The following SETX variants were observed in gnomAD, a reference collection of about 807,000 sequenced individuals.
The protein encoded by SETX is helicase senataxin.
In SETX, 90 loss-of-function variants were observed where a neutral mutation model predicts 227.2. That is an observed-to-expected ratio of 0.40 (90% confidence interval 0.33 to 0.47). The LOEUF (loss-of-function observed/expected upper bound fraction) is 0.47, where lower values mean the gene tolerates loss of function less well. Among genes scored for constraint, SETX ranks in the 20% least tolerant of loss-of-function variants. The pLI, the probability that SETX is intolerant of heterozygous loss-of-function variation, is 0.91. For missense variants in SETX, 3,052 were observed against 3,181.5 expected, an observed-to-expected ratio of 0.96 and a Z score of 0.98; for synonymous variants, 1,210 against 1,113.2, an observed-to-expected ratio of 1.09 and a Z score of -1.73.
intron 18 of SETX, among the ~76,000 whole-genome samples, chr9:132,285,021 G>T (rs1268462219): frequency 1.3e-5 from 2 of 152,122 alleles, no homozygotes; most frequent in Non-Finnish European, 2.9e-5. Context: ...TGGGATTACA[G>T]GTGCCCACCA....
At chr9:132,271,188 G>C (rs6597568) in intron 24 of SETX, among the ~76,000 whole-genome samples, 1 of 152,154 alleles carries the variant, frequency 6.6e-6, no homozygotes, top group African/African-American at 2.4e-5. Context: ...GGAGTAATAT[G>C]CCTCTGCAAA....
At chr9:132,265,354 TA>T (rs1227918126) in intron 25 of SETX, among the ~76,000 whole-genome samples, 4 of 150,980 alleles carry the variant, frequency 2.6e-5, no homozygotes, top group African/African-American at 9.8e-5. Flanking sequence ...ACCTCCCGAG[TA>T]GCTGGGACTA....
In SETX at chr9:132,262,906, C is replaced by T. The variant is rs1448840167; in HGVS notation, c.*1333G>A. The T allele has an allele frequency of 1.3e-5, 2 of 152,124 alleles. No homozygotes were observed. The highest frequency in any genetic ancestry group is 2.9e-5 in the Non-Finnish European group (2 of 68,024). The allele number at this position is 152,124 out of a possible 1,614,324, so 9.4% of individuals were successfully genotyped here. ...CTAGTTTTTACAACTGTCAACTGTA[C>T]ATTCTCATGTTTAGGATACTCCAGT... On this transcript the variant is annotated 3_prime_UTR_variant, in exon 26 of 26. Transcript: ENST00000224140.
At position 132,334,664 on chromosome 9, in the gene SETX, T is replaced by C; in HGVS notation, c.782A>G (p.Asp261Gly). The change falls in exon 7 of 26, where the codon GAC becomes GGC. Residue 261 changes from aspartate (D) to glycine (G), a missense_variant. Physicochemically the swap from Asp to Gly is moderately conservative, Grantham distance 94 (BLOSUM62 -1). This residue lies in a region of SETX where 239 missense variants were observed against 240.8 expected (regional missense o/e 0.99). Transcript: ENST00000224140. ...CGATTGCATAAAATCATTTTGTTTG[T>C]CTGAGCCCAACAACAGGGAATCCAT... The part of the protein sequence containing the change: ...QAMDSLLLGS[D>G]KQNDFMQSIL... 2 of 1,614,020 alleles carry C rather than the reference T, an allele frequency of 1.2e-6. No individual in the cohort carries two copies. Among genetic ancestry groups the C allele is most frequent in the Non-Finnish European group, 1.7e-6 (2 of 1,179,894 alleles).
chr9:132,281,986 C>A (rs563818752), intron 19 of SETX, among the ~76,000 whole-genome samples: 3 of 144,638 alleles, frequency 2.1e-5, no homozygotes, highest in African/African-American at 5.2e-5. Flanking sequence ...CACATCACTG[C>A]ACTCCGGTCT....
chr9:132,311,686 G>A (rs960518969), intron 11 of SETX, 71 bp downstream of exon 11: 7 of 1,110,266 alleles, frequency 6.3e-6, no homozygotes, highest in Non-Finnish European at 9.4e-6. Context: ...TTCAAATAAT[G>A]CTATCTCCTC....
chr9:132,348,084 C>T (rs1364397792), intron 3 of SETX, among the ~76,000 whole-genome samples: 1 of 150,226 alleles, frequency 6.7e-6, no homozygotes, highest in African/African-American at 2.4e-5. Context: ...CCTGGCCAGG[C>T]GCAGTGGCTC....
intron 10 of SETX, among the ~76,000 whole-genome samples, chr9:132,325,131 C>T (rs547997135): frequency 2.7e-4 from 41 of 151,864 alleles, no homozygotes; most frequent in African/African-American, 8.7e-4. Flanking sequence ...CCAAGGCGGG[C>T]AGATCACAAG....
intron 19 of SETX, among the ~76,000 whole-genome samples, chr9:132,282,299 ATTTTT>A (rs148335455): frequency 7.2e-6 from 1 of 139,580 alleles, no homozygotes; most frequent in Non-Finnish European, 1.6e-5. Context: ...TTTTTAACTT[ATTTTT>A]TTTTTTTTTG....
intron 10 of SETX, among the ~76,000 whole-genome samples, chr9:132,319,846 G>A (rs1471659210): frequency 1.3e-5 from 2 of 152,180 alleles, no homozygotes; most frequent in Admixed American, 1.3e-4. Flanking sequence ...ATCCAAGTTA[G>A]TGCCTAATGG....
intron 4 of SETX, among the ~76,000 whole-genome samples, chr9:132,344,220 T>C (rs1282693141): frequency 1.3e-5 from 2 of 152,182 alleles, no homozygotes; most frequent in African/African-American, 4.8e-5. Flanking sequence ...AAGATGGTTT[T>C]TGGGTTTTTT....
rs748090865 is a variant in SETX at position 132,264,485 on chromosome 9, A to T, written c.7788T>A (p.Ala2596=). 6.2e-7 allele frequency: 1 copy of T among 1,611,446 alleles called. No homozygotes were observed. Among genetic ancestry groups the T allele is most frequent in the South Asian group, 1.1e-5 (1 of 91,026 alleles). Residue 2596 remains alanine (A), a synonymous_variant, in exon 26 of 26, where the codon GCT becomes GCA. Transcript: ENST00000224140. ...HIQQPAAVVA[A]LSSHKPPVRG... is the part of the protein sequence containing the mutation. ...GCACGGGAGGTTTGTGGCTGCTCAGAGCAGCCACTACAGCAGCGGGCTGCT... is the reference window on the plus strand; with the variant it reads ...GCACGGGAGGTTTGTGGCTGCTCAGTGCAGCCACTACAGCAGCGGGCTGCT...
intron 10 of SETX, among the ~76,000 whole-genome samples, chr9:132,325,826 G>A (rs772149078): frequency 1.5e-4 from 22 of 151,568 alleles, no homozygotes; most frequent in Non-Finnish European, 2.1e-4. Flanking sequence ...CAGCTACTTG[G>A]GAGGCTGAGG....
Position 132,264,558 on chromosome 9 carries a change from G to T in SETX, c.7715C>A (p.Thr2572Lys), listed in dbSNP as rs773364996. 6.2e-7 allele frequency: 1 copy of T among 1,614,112 alleles called. No individual in the cohort carries two copies. Among genetic ancestry groups the T allele is most frequent in the East Asian group, 2.2e-5 (1 of 44,880 alleles). ...AACGACAGGGAAGCCCGGCTCGCCC[G>T]TAGGAGGTGTTGCTCCAGGATGCTG... Reference protein sequence around the residue: ...SPQHPGATPPTGEPGFPVVHQ... With the variant: ...SPQHPGATPPKGEPGFPVVHQ... The change falls in exon 26 of 26, where the codon ACG becomes AAG. Residue 2572 changes from threonine to lysine, a missense_variant. Transcript: ENST00000224140.
At chr9:132,350,802 A>G (rs1434680709) in intron 2 of SETX, among the ~76,000 whole-genome samples, 1 of 152,264 alleles carries the variant, frequency 6.6e-6, no homozygotes, top group Non-Finnish European at 1.5e-5. Context: ...AACAAAATCA[A>G]AACTTCTTTA....
intron 10 of SETX, among the ~76,000 whole-genome samples, chr9:132,324,828 T>C (rs1233389402): frequency 1.3e-5 from 2 of 152,166 alleles, no homozygotes; most frequent in African/African-American, 4.8e-5. Flanking sequence ...GAAAGTTTCT[T>C]TTGAGGATTA....
At chr9:132,278,387 C>A in intron 20 of SETX, 130 bp from the exon 21 acceptor site, 2 of 785,992 alleles carry the variant, frequency 2.5e-6, no homozygotes, top group South Asian at 1.6e-5. Context: ...CCAACCACAG[C>A]TTCAGAGAAA....
Position 132,273,967 on chromosome 9 carries a change from ATTC to A in SETX, c.7100+1286_7100+1288del, listed in dbSNP as rs532813473. Among the ~76,000 whole-genome samples, 244 of 121,612 alleles carry A rather than the reference ATTC, an allele frequency of 2.0e-3. 1 individual carries two copies. Among genetic ancestry groups the A allele is most frequent in the African/African-American group, 9.2e-3 (211 of 22,994 alleles). The allele number at this position is 121,612 out of a possible 152,430, so 79.8% of individuals were successfully genotyped here. A position where few individuals can be genotyped will look rare whatever the true frequency, so the allele number is the denominator to read the frequency against. On this transcript the variant is annotated intron_variant, in intron 23 of 25. Transcript: ENST00000224140. ...TTATTAATAAAAAAAGTTCCTTTGT[ATTC>A]TTTTTTTTTTTTTAAATCATCAAAG...
intron 12 of SETX, among the ~76,000 whole-genome samples, chr9:132,298,871 T>C (rs1174912927): frequency 1.3e-5 from 2 of 152,160 alleles, no homozygotes; most frequent in East Asian, 1.9e-4. Flanking sequence ...CTCTGAACGC[T>C]ATTCAGGATC....
Sources: allele counts gnomAD v4.1 joint callset (sites outside exome capture counted in the v4.1 genomes callset), GRCh38; gene constraint gnomAD v4.1.1; regional missense constraint gnomAD v4.1.1; transcripts MANE v1.5; gene names NCBI Gene and HGNC (gene_info 2026-07-23, HGNC 2026-07-21).